The following GRM1 variants were observed in gnomAD, a reference collection of about 807,000 sequenced individuals.
GRM1 encodes glutamate metabotropic receptor 1.
Under a neutral mutation model 90.9 loss-of-function variants are expected in GRM1, and 33 were observed. The observed-to-expected ratio is 0.36, with a 90% CI of 0.28 to 0.49. The LOEUF (loss-of-function observed/expected upper bound fraction) is 0.49. Ranked by LOEUF, GRM1 falls within the 20% of genes least tolerant of loss-of-function variation. The pLI is 0.99. For missense variants in GRM1, 1,190 were observed against 1,534.3 expected, an observed-to-expected ratio of 0.78 and a Z score of 3.75; for synonymous variants, 700 against 613.2, an observed-to-expected ratio of 1.14 and a Z score of -2.09.
intron 1 of GRM1, among the ~76,000 whole-genome samples, chr6:146,117,441 GTTTA>G (rs1437089121): frequency 2.0e-5 from 3 of 151,424 alleles, no homozygotes; most frequent in African/African-American, 7.3e-5. Context: ...TGACCTATTT[GTTTA>G]TTTATTTTAT....
intron 1 of GRM1, among the ~76,000 whole-genome samples, chr6:146,065,632 T>C (rs1775819597): frequency 6.6e-6 from 1 of 152,156 alleles, no homozygotes; most frequent in Non-Finnish European, 1.5e-5. Flanking sequence ...ATGCTGGGCC[T>C]GAGCTGTTCA....
intron 1 of GRM1, among the ~76,000 whole-genome samples, chr6:146,151,711 A>G (rs1402427087): frequency 6.6e-6 from 1 of 152,126 alleles, no homozygotes; most frequent in African/African-American, 2.4e-5. Flanking sequence ...GAGAACTCAG[A>G]GTTGCAGCCA....
chr6:146,352,628 C>T (rs1785447258), intron 4 of GRM1, 132 bp downstream of exon 4: 4 of 864,828 alleles, frequency 4.6e-6, no homozygotes, highest in Non-Finnish European at 7.8e-6. Context: ...AGCAAAAAGT[C>T]CAGGGATAAT....
intron 1 of GRM1, among the ~76,000 whole-genome samples, chr6:146,060,136 C>G (rs775875027): frequency 1.3e-5 from 2 of 152,112 alleles, no homozygotes; most frequent in Non-Finnish European, 2.9e-5. Context: ...TGGCTTTCAT[C>G]ATGGCTTCTT....
Position 146,159,527 on chromosome 6 carries a change from A to G in GRM1, c.880A>G (p.Met294Val), listed in dbSNP as rs556249139. 6.2e-7 allele frequency: 1 copy of G among 1,613,738 alleles called. No individual in the cohort carries two copies. The highest frequency in any genetic ancestry group is 1.1e-5 in the South Asian group (1 of 91,056). The change falls in exon 2 of 8, where the codon ATG (methionine) becomes GTG (valine). Residue 294 changes from methionine (M) to valine (V), a missense_variant. By Grantham distance (21) the Met-to-Val change is conservative (BLOSUM62 1). Around this residue, in one of 10 missense-constraint regions of GRM1, gnomAD observed 414 missense variants for 598.4 expected, o/e 0.69. Coordinates refer to ENST00000282753, the MANE Select transcript of GRM1 (RefSeq NM_001278064.2). ...ARVVVCFCEG[M>V]TVRGLLSAMR... The stretch of plus-strand genomic sequence containing the variant: ...AGTGGTGGTCTGCTTCTGTGAAGGC[A>G]TGACAGTGCGAGGACTCCTGAGCGC...
At chr6:146,293,788 T>C (rs1266799675) in intron 2 of GRM1, among the ~76,000 whole-genome samples, 1 of 151,762 alleles carries the variant, frequency 6.6e-6, no homozygotes, top group Non-Finnish European at 1.5e-5. Flanking sequence ...ATACTATTGT[T>C]CAGATATTAT....
intron 1 of GRM1, among the ~76,000 whole-genome samples, chr6:146,139,380 T>C (rs779961423): frequency 1.3e-5 from 2 of 152,194 alleles, no homozygotes; most frequent in Non-Finnish European, 1.5e-5. Flanking sequence ...ATTTTCTGTA[T>C]GGATGATCTG....
chr6:146,379,441 C>T (rs921023150), intron 5 of GRM1, among the ~76,000 whole-genome samples: 1 of 152,226 alleles, frequency 6.6e-6, no homozygotes, highest in Admixed American at 6.5e-5. Flanking sequence ...TTATTTCAAT[C>T]TCTGTTAAAT....
chr6:146,068,277 C>A (rs1449440978), intron 1 of GRM1, among the ~76,000 whole-genome samples: 1 of 148,902 alleles, frequency 6.7e-6, no homozygotes, highest in Non-Finnish European at 1.5e-5. Context: ...CCTCGCCTGG[C>A]TAATTTTTTG....
At chr6:146,104,712 G>A (rs1240729618) in intron 1 of GRM1, among the ~76,000 whole-genome samples, 1 of 152,122 alleles carries the variant, frequency 6.6e-6, no homozygotes, top group Non-Finnish European at 1.5e-5. Context: ...AGAAGCCCTC[G>A]AGCTCTAGCG....
Position 146,084,683 on chromosome 6 carries a change from C to T in GRM1, c.700+54466C>T, listed in dbSNP as rs373954961. Reference sequence around the variant, plus strand: ...TATGTGGTCAATTTTAGAATAAGTGCCATATGGCACTGGGAAGAATGCATA... The same window carrying T: ...TATGTGGTCAATTTTAGAATAAGTGTCATATGGCACTGGGAAGAATGCATA... On this transcript the variant is annotated intron_variant, in intron 1 of 7. Coordinates refer to ENST00000282753, the MANE Select transcript of GRM1 (RefSeq NM_001278064.2). Among the ~76,000 whole-genome samples, 10 of 152,154 alleles carry T rather than the reference C, an allele frequency of 6.6e-5. No homozygotes were observed. The East Asian group carries it at 1.9e-3, about 29-fold the overall frequency.
At chr6:146,165,265 C>A (rs965628565) in intron 2 of GRM1, among the ~76,000 whole-genome samples, 4 of 152,046 alleles carry the variant, frequency 2.6e-5, no homozygotes, top group African/African-American at 9.7e-5. Context: ...CTTTTGGGGT[C>A]TTTTTCTTTC....
intron 1 of GRM1, among the ~76,000 whole-genome samples, chr6:146,032,862 G>C (rs1191417549): frequency 6.6e-6 from 1 of 152,080 alleles, no homozygotes. Context: ...AGTTAATTGT[G>C]AGATTATCTT....
At chr6:146,200,744 G>A (rs1779271976) in intron 2 of GRM1, among the ~76,000 whole-genome samples, 1 of 152,116 alleles carries the variant, frequency 6.6e-6, no homozygotes, top group Non-Finnish European at 1.5e-5. Context: ...AAGGGGAAGG[G>A]AGCATAAGGT....
intron 1 of GRM1, among the ~76,000 whole-genome samples, chr6:146,084,448 G>A (rs1043284162): frequency 4.6e-5 from 7 of 151,900 alleles, no homozygotes; most frequent in Non-Finnish European, 7.4e-5. Context: ...CTTCGTTCTC[G>A]TTGGTTTCAA....
At chr6:146,372,038 C>T (rs1386677976) in intron 5 of GRM1, among the ~76,000 whole-genome samples, 1 of 152,074 alleles carries the variant, frequency 6.6e-6, no homozygotes, top group Non-Finnish European at 1.5e-5. Context: ...AAACTCCAAA[C>T]TATTCTCCAT....
chr6:146,190,723 C>T (rs1778909048), intron 2 of GRM1, among the ~76,000 whole-genome samples: 1 of 152,114 alleles, frequency 6.6e-6, no homozygotes, highest in Non-Finnish European at 1.5e-5. Flanking sequence ...TCCTCATCTC[C>T]ATCCGTATTG....
rs76307381 is a variant in GRM1, at chr6:146,213,303, G to T, written c.950+53706G>T. ...TTGGAGTGTCCAGAGATGAGATTGG[G>T]TGGGGGGCGGTAAGTAAAGGCCAGA... On this transcript the variant is annotated intron_variant, in intron 2 of 7. Coordinates refer to ENST00000282753, the MANE Select transcript of GRM1 (RefSeq NM_001278064.2). Among the ~76,000 whole-genome samples the T allele has an allele frequency of 5.5e-3, 835 of 152,150 alleles. 10 individuals carry two copies. Among genetic ancestry groups the T allele is most frequent in the African/African-American group, 0.019 (800 of 41,506 alleles).
intron 2 of GRM1, among the ~76,000 whole-genome samples, chr6:146,302,456 C>CA (rs1783424818): frequency 1.3e-5 from 2 of 151,618 alleles, no homozygotes; most frequent in African/African-American, 4.9e-5. Flanking sequence ...ACTGCAGCCT[C>CA]AGCTTCCTGG....
Sources: allele counts gnomAD v4.1 joint callset (sites outside exome capture counted in the v4.1 genomes callset), GRCh38; gene constraint gnomAD v4.1.1; regional missense constraint gnomAD v4.1.1; transcripts MANE v1.5; gene names NCBI Gene and HGNC (gene_info 2026-07-23, HGNC 2026-07-21).